The following SLC9A9 variants were observed in gnomAD, a reference collection of about 807,000 sequenced individuals.
SLC9A9 encodes the protein solute carrier family 9 member A9.
In SLC9A9, 62 loss-of-function variants were observed where a neutral mutation model predicts 77.8. That is an observed-to-expected ratio of 0.80 (90% CI 0.65 to 0.98). SLC9A9 has a LOEUF of 0.98. Among genes scored for constraint, SLC9A9 ranks in the 50% least tolerant of loss-of-function variants. The pLI is 0.00. For missense variants in SLC9A9, 775 were observed against 774.9 expected (o/e 1.00, Z 0.00); for synonymous variants, 320 against 283.5 (o/e 1.13, Z -1.29).
chr3:143,522,765 C>T (rs1299675479), intron 9 of SLC9A9, among the ~76,000 whole-genome samples: 1 of 152,114 alleles, frequency 6.6e-6, no homozygotes, highest in Non-Finnish European at 1.5e-5. Context: ...ACTAAGACAA[C>T]CTTGCCACCT....
chr3:143,349,377 G>T lies in SLC9A9; in HGVS notation c.1604+14107C>A, dbSNP rs186857964. Reference sequence around the variant, plus strand: ...GAACCAGGACTAGCCTCATCCCACAGAACTAGGGAAAAGCTTCAGCATGTG... The same window carrying T: ...GAACCAGGACTAGCCTCATCCCACATAACTAGGGAAAAGCTTCAGCATGTG... On this transcript the variant is annotated intron_variant, in intron 14 of 15. Transcript: ENST00000316549. Among the ~76,000 whole-genome samples the T allele has an allele frequency of 8.5e-5, 13 of 152,300 alleles. No homozygotes were observed. The East Asian group carries it at 2.5e-3, about 29-fold the overall frequency.
chr3:143,594,714 C>T (rs1257364697), intron 6 of SLC9A9, among the ~76,000 whole-genome samples: 7 of 152,038 alleles, frequency 4.6e-5, no homozygotes, highest in Non-Finnish European at 8.8e-5. Flanking sequence ...TCTAGTTTAA[C>T]TTGTATCTGC....
intron 5 of SLC9A9, among the ~76,000 whole-genome samples, chr3:143,666,953 A>G (rs2039079621): frequency 6.6e-6 from 1 of 152,200 alleles, no homozygotes; most frequent in Non-Finnish European, 1.5e-5. Context: ...GCTACCAATG[A>G]CTTTCTTCAC....
intron 14 of SLC9A9, among the ~76,000 whole-genome samples, chr3:143,337,717 C>T (rs533761034): frequency 9.4e-4 from 143 of 152,328 alleles, no homozygotes; most frequent in African/African-American, 3.3e-3. Flanking sequence ...ACTTGGAAAC[C>T]ACCACTTTAG....
intron 6 of SLC9A9, among the ~76,000 whole-genome samples, chr3:143,630,302 A>C (rs963318353): frequency 6.6e-6 from 1 of 152,220 alleles, no homozygotes; most frequent in Non-Finnish European, 1.5e-5. Flanking sequence ...AAGCAACAGC[A>C]GAAAATAACC....
chr3:143,747,514 T>C (rs1248924119), intron 4 of SLC9A9, among the ~76,000 whole-genome samples: 1 of 152,074 alleles, frequency 6.6e-6, no homozygotes, highest in African/African-American at 2.4e-5. Context: ...TGCAATCACT[T>C]CTATCCTTAT....
intron 4 of SLC9A9, among the ~76,000 whole-genome samples, chr3:143,706,631 A>T (rs1269927983): frequency 6.6e-6 from 1 of 152,096 alleles, no homozygotes; most frequent in African/African-American, 2.4e-5. Context: ...TTGAACAAGG[A>T]TCCATGAAGA....
At chr3:143,527,110 T>C (rs527820471) in intron 9 of SLC9A9, among the ~76,000 whole-genome samples, 109 of 152,352 alleles carry the variant, frequency 7.2e-4, no homozygotes, top group Middle Eastern at 3.4e-3. Context: ...CACAAGCCTA[T>C]AGAGAATAGT....
At chr3:143,724,990 G>C (rs368672396) in intron 4 of SLC9A9, among the ~76,000 whole-genome samples, 2 of 152,142 alleles carry the variant, frequency 1.3e-5, no homozygotes, top group African/African-American at 4.8e-5. Flanking sequence ...GCTTCACGTG[G>C]CTTGGTCTAA....
chr3:143,764,648 C>T (rs1217794898), intron 4 of SLC9A9, among the ~76,000 whole-genome samples: 1 of 152,282 alleles, frequency 6.6e-6, no homozygotes, highest in East Asian at 1.9e-4. Flanking sequence ...CTCATTGTAG[C>T]TTTGAACTCA....
At chr3:143,453,878 T>G (rs1287174842) in intron 12 of SLC9A9, among the ~76,000 whole-genome samples, 2 of 152,206 alleles carry the variant, frequency 1.3e-5, no homozygotes, top group South Asian at 4.1e-4. Flanking sequence ...ATATTAGGAG[T>G]TGCAGCCTTT....
At chr3:143,821,313 C>T (rs769819695) in intron 2 of SLC9A9, among the ~76,000 whole-genome samples, 3 of 152,170 alleles carry the variant, frequency 2.0e-5, no homozygotes, top group African/African-American at 4.8e-5. Flanking sequence ...TATAACTTGC[C>T]TAACTTTAAA....
intron 13 of SLC9A9, among the ~76,000 whole-genome samples, chr3:143,370,567 GCACACACACACACACACA>G (rs57705324): frequency 1.4e-5 from 2 of 143,304 alleles, no homozygotes; most frequent in African/African-American, 5.2e-5. Flanking sequence ...GCATGTGCGC[GCACACACACACACACACA>G]CACACACACA....
At chr3:143,748,661 C>T (rs1200814059) in intron 4 of SLC9A9, among the ~76,000 whole-genome samples, 1 of 149,246 alleles carries the variant, frequency 6.7e-6, no homozygotes, top group Non-Finnish European at 1.5e-5. Flanking sequence ...GAACAGAGGA[C>T]GGACTGGCAA....
At chr3:143,650,700 C>T (rs552039041) in intron 6 of SLC9A9, among the ~76,000 whole-genome samples, 1 of 152,344 alleles carries the variant, frequency 6.6e-6, no homozygotes, top group East Asian at 1.9e-4. Flanking sequence ...GCTAGAATGG[C>T]AACATCTCAT....
chr3:143,738,195 C>G (rs1295715899), intron 4 of SLC9A9, among the ~76,000 whole-genome samples: 1 of 152,198 alleles, frequency 6.6e-6, no homozygotes, highest in East Asian at 1.9e-4. Flanking sequence ...TCTGCAGTAG[C>G]AGATATGTGG....
chr3:143,663,235 A>C (rs984359095), intron 5 of SLC9A9, among the ~76,000 whole-genome samples: 1 of 152,230 alleles, frequency 6.6e-6, no homozygotes, highest in Non-Finnish European at 1.5e-5. Context: ...GACTGTTAGA[A>C]GGAAAACTAG....
At chr3:143,625,897 A>G (rs978741381) in intron 6 of SLC9A9, among the ~76,000 whole-genome samples, 1 of 152,234 alleles carries the variant, frequency 6.6e-6, no homozygotes, top group Non-Finnish European at 1.5e-5. Context: ...AGAATCTACA[A>G]TGAACTCAAA....
chr3:143,449,820 T>C (rs1175647257), intron 12 of SLC9A9, among the ~76,000 whole-genome samples: 1 of 40,272 alleles, frequency 2.5e-5, no homozygotes, highest in Admixed American at 5.4e-4. Flanking sequence ...AATTATATAT[T>C]TACATATATA....
Sources: allele counts gnomAD v4.1 joint callset (sites outside exome capture counted in the v4.1 genomes callset), GRCh38; gene constraint gnomAD v4.1.1; transcripts MANE v1.5; gene names NCBI Gene and HGNC (gene_info 2026-07-23, HGNC 2026-07-21).